ITGA2: variants seen among roughly 807,000 people sequenced by gnomAD.
The protein encoded by ITGA2 is integrin subunit alpha 2, also known as integrin alpha-2.
Under a neutral mutation model 146.3 loss-of-function variants are expected in ITGA2, and 101 were observed. The observed-to-expected ratio is 0.69, with a 90% confidence interval of 0.59 to 0.81. The LOEUF is 0.81. Ranked by LOEUF, ITGA2 falls within the 40% of genes least tolerant of loss-of-function variation. The pLI, the probability that ITGA2 is intolerant of heterozygous loss-of-function variation, is 0.00. For synonymous variants in ITGA2, 477 were observed against 487.1 expected (o/e 0.98, Z 0.27); for missense variants, 1,281 against 1,402.7 (o/e 0.91, Z 1.39).
Position 53,054,992 on chromosome 5 carries a change from A to G in ITGA2, c.780-546A>G, listed in dbSNP as rs538189018. Among the ~76,000 whole-genome samples the G allele has an allele frequency of 1.1e-4, 16 of 152,238 alleles. No individual in the cohort carries two copies. In the South Asian group the frequency reaches 3.1e-3, roughly 30 times the overall value. ...TGAGTAAAAGTTTAAGGGGTAGACT[A>G]TGCCTGTACCTATATTACATCTAAA... On this transcript the variant is annotated intron_variant, in intron 7 of 29. Coordinates refer to ENST00000296585, the MANE Select transcript of ITGA2 (RefSeq NM_002203.4).
rs746625946 is a variant in ITGA2, at chr5:53,055,628, A to G, written c.870A>G (p.Ser290=). ...VVTDGESHDG[S]MLKAVIDQCN... is the part of the protein sequence containing the mutation. ...CTGACGGTGAATCACATGATGGTTC[A>G]ATGTTGAAAGCTGTGATTGATCAAT... is the stretch of plus-strand genomic sequence containing the variant. The change falls in exon 8 of 30, where the codon TCA becomes TCG. Residue 290 remains serine (S), a synonymous_variant. Transcript: ENST00000296585. 1.2e-6 allele frequency: 2 copies of G among 1,613,420 alleles called. No homozygotes were observed. The highest frequency in any genetic ancestry group is 1.7e-6 in the Non-Finnish European group (2 of 1,179,502).
chr5:52,997,603 G>T (rs1423620846), intron 1 of ITGA2, among the ~76,000 whole-genome samples: 1 of 152,200 alleles, frequency 6.6e-6, no homozygotes, highest in African/African-American at 2.4e-5. Context: ...GGATTCATTT[G>T]AAGGTGGCCT....
intron 9 of ITGA2, 73 bp downstream of exon 9, chr5:53,056,222 T>A (rs1744628904): frequency 3.6e-6 from 5 of 1,373,394 alleles, no homozygotes; most frequent in Non-Finnish European, 5.1e-6. Flanking sequence ...ACATATTTGC[T>A]TTACTAATGT....
At chr5:53,048,104 G>A (rs978009110) in intron 4 of ITGA2, among the ~76,000 whole-genome samples, 1 of 152,094 alleles carries the variant, frequency 6.6e-6, no homozygotes, top group East Asian at 1.9e-4. Flanking sequence ...GACCTCATAG[G>A]CTCCTCCCTT....
At chr5:53,060,635 C>T (rs560142883) in intron 11 of ITGA2, among the ~76,000 whole-genome samples, 75 of 152,018 alleles carry the variant, frequency 4.9e-4, no homozygotes, top group Non-Finnish European at 9.7e-4. Context: ...GCCAGGTTCA[C>T]AGGTGGCTGA....
intron 3 of ITGA2, among the ~76,000 whole-genome samples, chr5:53,044,266 C>T (rs574978687): frequency 1.4e-5 from 1 of 71,262 alleles, no homozygotes; most frequent in East Asian, 3.8e-4. Context: ...CAGAGTGAGA[C>T]TCTGTCTCAA....
intron 2 of ITGA2, among the ~76,000 whole-genome samples, chr5:53,032,363 A>G (rs78079581): frequency 0.033 from 5,070 of 152,306 alleles, 133 homozygotes; most frequent in East Asian, 0.073. Context: ...TACTTTGATA[A>G]TAACACCACC....
chr5:53,056,875 G>C (rs554583509), intron 9 of ITGA2, among the ~76,000 whole-genome samples: 7 of 151,420 alleles, frequency 4.6e-5, no homozygotes, highest in Admixed American at 1.3e-4. Flanking sequence ...TGGTTAACCC[G>C]AATAACTCTT....
At chr5:52,993,485 C>G (rs1452128215) in intron 1 of ITGA2, among the ~76,000 whole-genome samples, 1 of 152,158 alleles carries the variant, frequency 6.6e-6, no homozygotes, top group Non-Finnish European at 1.5e-5. Context: ...CCAGTGTTAC[C>G]TACCCCTTAC....
chr5:53,069,543 G>A (rs1015068352), intron 16 of ITGA2, among the ~76,000 whole-genome samples: 5 of 151,838 alleles, frequency 3.3e-5, no homozygotes, highest in African/African-American at 1.2e-4. Context: ...ACAACTGGAT[G>A]GAAGCAGAAA....
At chr5:53,051,332 T>C in intron 6 of ITGA2, 79 bp from the exon 7 acceptor site, 1 of 1,476,872 alleles carries the variant, frequency 6.8e-7, no homozygotes, top group South Asian at 1.2e-5. Flanking sequence ...AATGTACTTT[T>C]GATTTTTATT....
chr5:53,015,471 A>AT (rs60122376), intron 1 of ITGA2, among the ~76,000 whole-genome samples: 1 of 151,292 alleles, frequency 6.6e-6, no homozygotes, highest in East Asian at 2.0e-4. Flanking sequence ...GGTTGGTATG[A>AT]TTTTTTTTTT....
chr5:52,994,990 C>G (rs1037458030), intron 1 of ITGA2, among the ~76,000 whole-genome samples: 7 of 152,124 alleles, frequency 4.6e-5, no homozygotes, highest in African/African-American at 1.7e-4. Flanking sequence ...CAGTTTCTAC[C>G]TTTTAAAATG....
chr5:53,039,815 T>A (rs1743695380), intron 2 of ITGA2, among the ~76,000 whole-genome samples: 1 of 151,288 alleles, frequency 6.6e-6, no homozygotes, highest in South Asian at 2.1e-4. Context: ...CTTTTTTAAA[T>A]GATAGCATAG....
At chr5:53,004,193 G>C (rs1741717135) in intron 1 of ITGA2, among the ~76,000 whole-genome samples, 1 of 152,056 alleles carries the variant, frequency 6.6e-6, no homozygotes, top group Non-Finnish European at 1.5e-5. Flanking sequence ...ATTACATCCA[G>C]TTGAGCACCA....
chr5:53,048,475 A>G lies in ITGA2; in HGVS notation c.500A>G (p.Gln167Arg). 3 of 1,613,952 alleles carry G rather than the reference A, an allele frequency of 1.9e-6. No individual in the cohort carries two copies. Among genetic ancestry groups the G allele is most frequent in the Non-Finnish European group, 2.5e-6 (3 of 1,179,802 alleles). ...TCAGCCAGCTTCTCACCTGCAACTC[A>G]GCGTAAGTTATTAATGTGCAGATGG... is the stretch of plus-strand genomic sequence containing the variant. ...QLSASFSPAT[Q>R]PCPSLIDVVV... The change falls in exon 5 of 30, where the codon CAG becomes CGG. Residue 167 changes from glutamine to arginine, a missense_variant and splice_region_variant. By Grantham distance (43) the Gln-to-Arg change is conservative. Transcript: ENST00000296585.
chr5:53,033,923 C>G (rs1279364703), intron 2 of ITGA2, among the ~76,000 whole-genome samples: 4 of 152,060 alleles, frequency 2.6e-5, no homozygotes, highest in Non-Finnish European at 4.4e-5. Context: ...ACCACCATGC[C>G]TGGCTAATTT....
intron 2 of ITGA2, among the ~76,000 whole-genome samples, chr5:53,033,744 T>A (rs1052724743): frequency 4.0e-5 from 6 of 150,354 alleles, no homozygotes; most frequent in Admixed American, 6.7e-5. Flanking sequence ...ATTATAGGCA[T>A]GTGCCACCAT....
rs913190179 is a variant in ITGA2 at position 53,091,561 on chromosome 5, G to A, written c.*962G>A. On this transcript the variant is annotated 3_prime_UTR_variant, in exon 30 of 30. Coordinates refer to ENST00000296585, the MANE Select transcript of ITGA2 (RefSeq NM_002203.4). The stretch of plus-strand genomic sequence containing the variant: ...CTGAACCACTCTCCCACCTCCTGGT[G>A]GTACCATTATTATAGAAGCCCTCTA... 22 of 152,212 alleles carry A rather than the reference G, an allele frequency of 1.4e-4. No individual in the cohort carries two copies. The highest frequency in any genetic ancestry group is 5.3e-4 in the African/African-American group (22 of 41,514). 9.4% of individuals were successfully genotyped at this position (152,212 alleles called of 1,614,324 possible).
Sources: allele counts gnomAD v4.1 joint callset (sites outside exome capture counted in the v4.1 genomes callset), GRCh38; gene constraint gnomAD v4.1.1; transcripts MANE v1.5; gene names NCBI Gene and HGNC (gene_info 2026-07-23, HGNC 2026-07-21).